TSPAN14: variants seen among roughly 807,000 people sequenced by gnomAD.
The protein encoded by TSPAN14 is tetraspanin 14, also known as tetraspanin-14.
A neutral mutation model predicts 36.6 loss-of-function variants in TSPAN14; 16 were observed. The ratio of observed to expected loss-of-function variants is 0.44; its 90% CI spans 0.30 to 0.66. The LOEUF is 0.66. TSPAN14 is among the 30% of genes least tolerant of loss of function. TSPAN14 has a pLI of 0.12. For synonymous variants in TSPAN14, 139 were observed against 143.8 expected (o/e 0.97, Z 0.24); for missense variants, 231 against 355.1 (o/e 0.65, Z 2.81).
At chr10:80,505,100 C>T (rs1200378157) in intron 3 of TSPAN14, among the ~76,000 whole-genome samples, 2 of 152,174 alleles carry the variant, frequency 1.3e-5, no homozygotes, top group Non-Finnish European at 2.9e-5. Context: ...AGCAAGCGGG[C>T]AGGTCCCTGA....
intron 2 of TSPAN14, among the ~76,000 whole-genome samples, chr10:80,499,764 G>A (rs556885320): frequency 2.6e-5 from 4 of 152,330 alleles, no homozygotes; most frequent in East Asian, 1.9e-4. Flanking sequence ...TTAATGCAGC[G>A]CACAGCTCCC....
intron 2 of TSPAN14, among the ~76,000 whole-genome samples, chr10:80,496,624 T>C (rs1417541167): frequency 6.6e-6 from 1 of 152,232 alleles, no homozygotes; most frequent in Non-Finnish European, 1.5e-5. Context: ...ACATTGTTTA[T>C]CTAGGGCACA....
chr10:80,504,190 C>T (rs1038971899), intron 2 of TSPAN14, among the ~76,000 whole-genome samples: 1 of 152,204 alleles, frequency 6.6e-6, no homozygotes, highest in Non-Finnish European at 1.5e-5. Flanking sequence ...CAGTGAATGG[C>T]CTGGGCCACT....
At position 80,517,947 on chromosome 10, in the gene TSPAN14, G is replaced by A. The variant is rs781002967; in HGVS notation, c.784G>A (p.Glu262Lys). The A allele has an allele frequency of 3.2e-6, 5 of 1,566,282 alleles. No individual in the cohort carries two copies. Among genetic ancestry groups the A allele is most frequent in the Non-Finnish European group, 4.3e-6 (5 of 1,154,300 alleles). Residue 262 changes from glutamate (E) to lysine (K), a missense_variant, in exon 9 of 9, where the codon GAG (glutamate) becomes AAG (lysine). Transcript: ENST00000429989. ...GGCAAGGACGCTGATCTCAGACATC[G>A]AGGCAGTGAAGGCCGGCCATCACTT... is the stretch of plus-strand genomic sequence containing the variant.
exon 9 of TSPAN14, chr10:80,520,950 C>G (rs1023937152): frequency 2.3e-6 from 1 of 437,970 alleles, no homozygotes; most frequent in Non-Finnish European, 4.7e-6. Context: ...CACCAGCCTC[C>G]GGGGAATCCC....
At chr10:80,505,176 G>C (rs555500288) in intron 3 of TSPAN14, among the ~76,000 whole-genome samples, 3 of 152,242 alleles carry the variant, frequency 2.0e-5, no homozygotes, top group African/African-American at 4.8e-5. Flanking sequence ...AGCAGGGAGC[G>C]GGGCTGGGTG....
intron 1 of TSPAN14, among the ~76,000 whole-genome samples, chr10:80,484,776 C>T (rs943213071): frequency 6.6e-5 from 10 of 152,140 alleles, no homozygotes; most frequent in East Asian, 1.9e-4. Flanking sequence ...GCTTGGTAGT[C>T]TTGTGCTTTG....
chr10:80,485,464 C>T lies in TSPAN14; in HGVS notation c.-17-3753C>T, dbSNP rs569636483. 3.5e-5 allele frequency: 7 copies of T among 201,346 alleles called. No individual in the cohort carries two copies. In the South Asian group the frequency reaches 1.0e-3, roughly 30 times the overall value. 12.5% of individuals were successfully genotyped at this position (201,346 alleles called of 1,614,324 possible). A position where few individuals can be genotyped will look rare whatever the true frequency, so the allele number is the denominator to read the frequency against. ...GGAGCGCTCAGTCCTTTTTTCCTCC[C>T]TTGGGGTTCTGAAGCCTCCGAGCCA... On this transcript the variant is annotated intron_variant, in intron 1 of 8. Transcript: ENST00000429989.
intron 3 of TSPAN14, among the ~76,000 whole-genome samples, chr10:80,505,243 T>C (rs1475437703): frequency 6.6e-6 from 1 of 152,168 alleles, no homozygotes; most frequent in Non-Finnish European, 1.5e-5. Flanking sequence ...CCTCTGGGCC[T>C]CCTTGCCCAG....
chr10:80,493,166 A>G (rs1479385636), intron 2 of TSPAN14, among the ~76,000 whole-genome samples: 1 of 152,206 alleles, frequency 6.6e-6, no homozygotes, highest in Non-Finnish European at 1.5e-5. Flanking sequence ...CAAAAATCTC[A>G]CTTTGACTTA....
At chr10:80,474,460 G>C (rs1312467680) in intron 1 of TSPAN14, among the ~76,000 whole-genome samples, 1 of 151,894 alleles carries the variant, frequency 6.6e-6, no homozygotes, top group African/African-American at 2.4e-5. Context: ...CAGGACGGGA[G>C]GGGAGGGGAG....
intron 1 of TSPAN14, among the ~76,000 whole-genome samples, chr10:80,468,129 T>A (rs1397594489): frequency 6.6e-6 from 1 of 152,208 alleles, no homozygotes. Context: ...AGGCTGGGTT[T>A]CTGCCCTTTA....
At chr10:80,518,031 C>T in exon 9 of TSPAN14, 3 of 1,528,646 alleles carry the variant, frequency 2.0e-6, no homozygotes, top group Non-Finnish European at 1.8e-6. Context: ...GAGCCTTTCT[C>T]TGCCATCAGC....
At chr10:80,465,558 C>T (rs1030372316) in intron 1 of TSPAN14, among the ~76,000 whole-genome samples, 1 of 152,230 alleles carries the variant, frequency 6.6e-6, no homozygotes, top group Non-Finnish European at 1.5e-5. Flanking sequence ...ACCCCTATCT[C>T]CCAGCCATGC....
chr10:80,510,574 T>C (rs1418697988), intron 5 of TSPAN14, among the ~76,000 whole-genome samples: 1 of 152,218 alleles, frequency 6.6e-6, no homozygotes, highest in African/African-American at 2.4e-5. Flanking sequence ...CTTCTTTTTC[T>C]TTTAAAAATA....
At chr10:80,520,638 CT>C (rs1201161038) in exon 9 of TSPAN14, 1 of 533,472 alleles carries the variant, frequency 1.9e-6, no homozygotes, top group South Asian at 1.4e-5. Flanking sequence ...CCTGTCCCGT[CT>C]TCCTATCGCT....
At chr10:80,481,710 C>T (rs1847286167) in intron 1 of TSPAN14, among the ~76,000 whole-genome samples, 1 of 152,216 alleles carries the variant, frequency 6.6e-6, no homozygotes, top group Non-Finnish European at 1.5e-5. Flanking sequence ...ACCGTAACCT[C>T]CGCCTCCTGG....
At chr10:80,520,429 G>C (rs370527891) in exon 9 of TSPAN14, 48 of 420,212 alleles carry the variant, frequency 1.1e-4, no homozygotes, top group African/African-American at 8.2e-4. Flanking sequence ...AGAGGCACAG[G>C]GCAGGCCTCC....
At chr10:80,504,934 G>A (rs1006426995) in intron 3 of TSPAN14, among the ~76,000 whole-genome samples, 156 bp downstream of exon 3, 8 of 152,220 alleles carry the variant, frequency 5.3e-5, no homozygotes, top group Non-Finnish European at 8.8e-5. Context: ...CAGCTCTTGC[G>A]TACTCTGCCC....
Sources: allele counts gnomAD v4.1 joint callset (sites outside exome capture counted in the v4.1 genomes callset), GRCh38; gene constraint gnomAD v4.1.1; transcripts MANE v1.5; gene names NCBI Gene and HGNC (gene_info 2026-07-23, HGNC 2026-07-21).